Variants in ATXN10 observed in about 807,000 individuals in gnomAD.
ATXN10 encodes ataxin 10.
A neutral mutation model predicts 52.9 loss-of-function variants in ATXN10; 28 were observed. The observed-to-expected ratio is 0.53, with a 90% CI of 0.39 to 0.73. ATXN10 has a LOEUF of 0.73. Ranked by LOEUF, ATXN10 falls within the 30% of genes least tolerant of loss-of-function variation. ATXN10 has a pLI of 0.00. For missense variants in ATXN10, 565 were observed against 577.0 expected, an observed-to-expected ratio of 0.98 and a Z score of 0.21; for synonymous variants, 226 against 221.5, an observed-to-expected ratio of 1.02 and a Z score of -0.18.
At chr22:45,785,818 T>A (rs1268518433) in intron 9 of ATXN10, among the ~76,000 whole-genome samples, 1 of 152,210 alleles carries the variant, frequency 6.6e-6, no homozygotes, top group African/African-American at 2.4e-5. Flanking sequence ...GCAGGAGGGG[T>A]ATACTTGGCA....
At chr22:45,777,991 TG>T (rs1226851788) in intron 9 of ATXN10, among the ~76,000 whole-genome samples, 7 of 152,210 alleles carry the variant, frequency 4.6e-5, no homozygotes, top group Non-Finnish European at 4.4e-5. Context: ...AAAGTTTTAT[TG>T]GGACATAGTT....
Position 45,763,017 on chromosome 22 carries a change from C to T in ATXN10, c.1173+22479C>T, listed in dbSNP as rs781603579. Among the ~76,000 whole-genome samples, 67 of 152,332 alleles carry T rather than the reference C, an allele frequency of 4.4e-4. No homozygotes were observed. Among genetic ancestry groups the T allele is most frequent in the Middle Eastern group, 3.4e-3 (1 of 294 alleles). ...GGAATGCACAGAAGCATTTAAGAAGCGCTTTGTAAAGCCATGGCCTCTCCT... is the reference window on the plus strand; with the variant it reads ...GGAATGCACAGAAGCATTTAAGAAGTGCTTTGTAAAGCCATGGCCTCTCCT... On this transcript the variant is annotated intron_variant, in intron 9 of 11. Coordinates refer to ENST00000252934, the MANE Select transcript of ATXN10 (RefSeq NM_013236.4). This position sits in a 1 kb window ranked among gnomAD's most constrained non-coding sequence, Gnocchi z 6.9.
At chr22:45,809,363 C>T (rs1187933667) in intron 10 of ATXN10, among the ~76,000 whole-genome samples, 2 of 152,038 alleles carry the variant, frequency 1.3e-5, no homozygotes, top group African/African-American at 2.4e-5. Flanking sequence ...GAAAATAATA[C>T]ACCTATATGG....
intron 6 of ATXN10, among the ~76,000 whole-genome samples, chr22:45,725,920 T>C (rs1342449753): frequency 6.6e-6 from 1 of 152,172 alleles, no homozygotes; most frequent in Non-Finnish European, 1.5e-5. Context: ...TGATCATATT[T>C]TTTTTGTTTT....
chr22:45,830,863 T>C (rs902337940), intron 10 of ATXN10, among the ~76,000 whole-genome samples: 1 of 152,172 alleles, frequency 6.6e-6, no homozygotes, highest in Non-Finnish European at 1.5e-5. Context: ...CACTTCTGGG[T>C]ATATACCCGA....
intron 9 of ATXN10, among the ~76,000 whole-genome samples, chr22:45,767,378 A>C (rs1926619982): frequency 6.6e-6 from 1 of 152,014 alleles, no homozygotes; most frequent in Non-Finnish European, 1.5e-5. Flanking sequence ...CAGAGGGAGA[A>C]ATATGAATAT....
rs930244447 is a variant in ATXN10 at position 45,688,836 on chromosome 22, C to T, written c.117-876C>T. On this transcript the variant is annotated intron_variant, in intron 1 of 11. Coordinates refer to ENST00000252934, the MANE Select transcript of ATXN10 (RefSeq NM_013236.4). The surrounding 1 kb of genome is among the most constrained non-coding windows in gnomAD (Gnocchi z 4.0). The stretch of plus-strand genomic sequence containing the variant: ...TCCAATGTGGCAACTTTCCTTCTAA[C>T]GTTAAAAGAGATTTGCTGTTTCTTT... Among the ~76,000 whole-genome samples, 16 of 152,278 alleles carry T rather than the reference C, an allele frequency of 1.1e-4. No individual in the cohort carries two copies. The highest frequency in any genetic ancestry group is 3.8e-4 in the African/African-American group (16 of 41,560).
intron 9 of ATXN10, among the ~76,000 whole-genome samples, chr22:45,782,462 A>C (rs1285523563): frequency 6.6e-6 from 1 of 152,206 alleles, no homozygotes; most frequent in Non-Finnish European, 1.5e-5. Context: ...CATTCAGCGG[A>C]ATATTACATA....
At chr22:45,788,236 A>G (rs909326122) in intron 9 of ATXN10, among the ~76,000 whole-genome samples, 1 of 152,084 alleles carries the variant, frequency 6.6e-6, no homozygotes, top group Admixed American at 6.5e-5. Flanking sequence ...TATAACTGGT[A>G]ATGTTTACTT....
In ATXN10 at chr22:45,837,789, A is replaced by AT. The variant is rs1369835462; in HGVS notation, c.1238-5199dup. Among the ~76,000 whole-genome samples the AT allele has an allele frequency of 1.3e-5, 2 of 152,240 alleles. No individual in the cohort carries two copies. The highest frequency in any genetic ancestry group is 4.8e-5 in the African/African-American group (2 of 41,470). On this transcript the variant is annotated intron_variant, in intron 10 of 11. Transcript: ENST00000252934. This position sits in a 1 kb window ranked among gnomAD's most constrained non-coding sequence, Gnocchi z 5.8. ...TAGAACCTTGTTTACGGATACGGAC[A>AT]TTTGAATTTCAAATTTTCATGTGCC... is the stretch of plus-strand genomic sequence containing the variant.
chr22:45,751,763 A>AAAAATAATAATAATAATAAT, intron 9 of ATXN10, among the ~76,000 whole-genome samples: 3 of 66,614 alleles, frequency 4.5e-5, no homozygotes, highest in East Asian at 6.1e-4. Flanking sequence ...AATAAAAAAA[A>AAAAATAATAATAATAATAAT]AATAATAATA....
rs924577106 is a variant in ATXN10, at chr22:45,787,143, A to T, written c.1174-19816A>T. Among the ~76,000 whole-genome samples the T allele has an allele frequency of 2.0e-5, 3 of 152,204 alleles. No individual in the cohort carries two copies. The highest frequency in any genetic ancestry group is 4.4e-5 in the Non-Finnish European group (3 of 68,036). On this transcript the variant is annotated intron_variant, in intron 9 of 11. Coordinates refer to ENST00000252934, the MANE Select transcript of ATXN10 (RefSeq NM_013236.4). This position sits in a 1 kb window ranked among gnomAD's most constrained non-coding sequence, Gnocchi z 4.2. ...TACTGTATATATAAAGATGATCTTC[A>T]TTTTTTAACAAATTAAGTATAAGTA...
intron 9 of ATXN10, among the ~76,000 whole-genome samples, chr22:45,751,658 A>G (rs1259907089): frequency 2.0e-5 from 3 of 151,006 alleles, no homozygotes; most frequent in African/African-American, 7.3e-5. Context: ...ATGTCTATAT[A>G]TCTCCCCAGG....
Position 45,790,574 on chromosome 22 carries a change from TAGTCTCTGAC to T in ATXN10, c.1174-16381_1174-16372del. Among the ~76,000 whole-genome samples the T allele has an allele frequency of 1.3e-5, 2 of 152,322 alleles. No individual in the cohort carries two copies. The highest frequency in any genetic ancestry group is 4.8e-5 in the African/African-American group (2 of 41,586). Reference sequence around the variant, plus strand: ...CATTTCTGCTTCAGCAGATTTCAGTTAGTCTCTGACAGTTGGGGGGCTACACATTTGGGAG... The same window carrying T: ...CATTTCTGCTTCAGCAGATTTCAGTTAGTTGGGGGGCTACACATTTGGGAG... On this transcript the variant is annotated intron_variant, in intron 9 of 11. Transcript: ENST00000252934. This position sits in a 1 kb window ranked among gnomAD's most constrained non-coding sequence, Gnocchi z 4.7.
intron 9 of ATXN10, among the ~76,000 whole-genome samples, chr22:45,803,932 A>T (rs1305970750): frequency 6.6e-6 from 1 of 152,138 alleles, no homozygotes; most frequent in East Asian, 1.9e-4. Context: ...ATAGTGGTCG[A>T]ACCCTCCATG....
intron 5 of ATXN10, among the ~76,000 whole-genome samples, chr22:45,714,137 T>C (rs1924356272): frequency 6.6e-6 from 1 of 152,190 alleles, no homozygotes. Context: ...TTAGCAAGAT[T>C]TGGATTTGCC....
In ATXN10 at chr22:45,795,464, G is replaced by A. The variant is rs1927701073; in HGVS notation, c.1174-11495G>A. 6.6e-6 allele frequency among the ~76,000 whole-genome samples: 1 copy of A among 150,852 alleles called. No homozygotes were observed. Among genetic ancestry groups the A allele is most frequent in the Non-Finnish European group, 1.5e-5 (1 of 67,698 alleles). ...CTCTCTATGTTGCCCAGGCTGGAGT[G>A]CAGTGGCGCGATCTCAGCTCACTGC... On this transcript the variant is annotated intron_variant, in intron 9 of 11. Transcript: ENST00000252934. The surrounding 1 kb of genome is among the most constrained non-coding windows in gnomAD (Gnocchi z 4.6).
In ATXN10 at chr22:45,783,401, C is replaced by T. The variant is rs941092058; in HGVS notation, c.1174-23558C>T. On this transcript the variant is annotated intron_variant, in intron 9 of 11. Transcript: ENST00000252934. This position sits in a 1 kb window ranked among gnomAD's most constrained non-coding sequence, Gnocchi z 5.0. Reference sequence around the variant, plus strand: ...AACTGAAAATTGCAAAACGTGAATCCTTGAATGAGGGTACAACTCTCTGTT... The same window carrying T: ...AACTGAAAATTGCAAAACGTGAATCTTTGAATGAGGGTACAACTCTCTGTT... Among the ~76,000 whole-genome samples, 3 of 152,266 alleles carry T rather than the reference C, an allele frequency of 2.0e-5. No homozygotes were observed. Among genetic ancestry groups the T allele is most frequent in the Admixed American group, 6.5e-5 (1 of 15,294 alleles).
In ATXN10 at chr22:45,770,556, G is replaced by A. The variant is rs1346858432; in HGVS notation, c.1173+30018G>A. Among the ~76,000 whole-genome samples, 1 of 151,778 alleles carries A rather than the reference G, an allele frequency of 6.6e-6. No homozygotes were observed. On this transcript the variant is annotated intron_variant, in intron 9 of 11. Coordinates refer to ENST00000252934, the MANE Select transcript of ATXN10 (RefSeq NM_013236.4). The surrounding 1 kb of genome is among the most constrained non-coding windows in gnomAD (Gnocchi z 4.5). ...TGCAGAGGGGGCTCTGAATGAGCTG[G>A]ATGATAGGCAGACCTGGACTCTGGA...
Sources: gnomAD v4.1 joint callset for allele counts (sites outside exome capture counted in the v4.1 genomes callset) on GRCh38, gnomAD v4.1.1 for gene constraint, Gnocchi (gnomAD v3.1) non-coding constraint, MANE v1.5 for transcripts, NCBI Gene and HGNC (gene_info 2026-07-23, HGNC 2026-07-21) for gene names.